Variants in CLEC16A observed in about 807,000 individuals in gnomAD.
The protein encoded by CLEC16A is protein CLEC16A.
CLEC16A carries 51 observed loss-of-function variants against 109.5 expected under a neutral mutation model. The observed-to-expected ratio is 0.47, with a 90% CI of 0.37 to 0.59. The LOEUF is 0.59. CLEC16A is among the 20% of genes least tolerant of loss of function. The pLI is 0.00. For synonymous variants in CLEC16A, 673 were observed against 564.2 expected (o/e 1.19, Z -2.73); for missense variants, 1,339 against 1,394.0 (o/e 0.96, Z 0.63).
chr16:10,949,575 G>A (rs2041616217), intron 1 of CLEC16A, among the ~76,000 whole-genome samples: 1 of 141,862 alleles, frequency 7.0e-6, no homozygotes, highest in Non-Finnish European at 1.5e-5. Context: ...AAGAGGAAGT[G>A]AGGACCCAAG....
chr16:11,175,865 C>G (rs1038853518), intron 23 of CLEC16A, among the ~76,000 whole-genome samples: 3 of 152,246 alleles, frequency 2.0e-5, no homozygotes, highest in African/African-American at 7.2e-5. Context: ...AGTTGGCCAG[C>G]TTCTTTGAAT....
Position 11,037,486 on chromosome 16 carries a change from C to A in CLEC16A, c.1538-2268C>A, listed in dbSNP as rs555881441. ...GAGAGTTGAGAAAAGTCGAGATCAT[C>A]TTGGGACGCTTTTCTTCCTGTCAAG... On this transcript the variant is annotated intron_variant, in intron 13 of 23. Coordinates refer to ENST00000409790, the MANE Select transcript of CLEC16A (RefSeq NM_015226.3). 3.9e-5 allele frequency among the ~76,000 whole-genome samples: 6 copies of A among 152,318 alleles called. No individual in the cohort carries two copies. In the East Asian group the frequency reaches 1.2e-3, roughly 29 times the overall value.
chr16:11,018,277 T>A (rs1378759667), intron 11 of CLEC16A, among the ~76,000 whole-genome samples: 1 of 141,454 alleles, frequency 7.1e-6, no homozygotes, highest in Admixed American at 7.1e-5. Flanking sequence ...AGCAAGACCC[T>A]GTCTCAAAAA....
At chr16:11,091,077 G>C (rs996739506) in intron 19 of CLEC16A, among the ~76,000 whole-genome samples, 1 of 152,120 alleles carries the variant, frequency 6.6e-6, no homozygotes, top group African/African-American at 2.4e-5. Context: ...TGGGATTACA[G>C]GCGTGAGCCA....
chr16:10,972,918 T>G lies in CLEC16A; in HGVS notation c.605-20T>G. 1.3e-6 allele frequency: 2 copies of G among 1,572,164 alleles called. No individual in the cohort carries two copies. Among genetic ancestry groups the G allele is most frequent in the Non-Finnish European group, 1.7e-6 (2 of 1,163,746 alleles). On this transcript the variant is annotated intron_variant, in intron 6 of 23. Transcript: ENST00000409790. ...ATTTTTGGTAGCTTGACTTTTTTTT[T>G]CTTCTGTGAATTTTCTCAGTGGATA...
chr16:10,973,131 G>A, intron 7 of CLEC16A, 70 bp downstream of exon 7: 2 of 1,510,466 alleles, frequency 1.3e-6, no homozygotes, highest in South Asian at 1.3e-5. Flanking sequence ...TTTTCATCAA[G>A]GAAAAATAAA....
At chr16:11,018,583 A>C (rs868828543) in intron 11 of CLEC16A, among the ~76,000 whole-genome samples, 2 of 152,000 alleles carry the variant, frequency 1.3e-5, no homozygotes, top group African/African-American at 4.8e-5. Context: ...CCCTGTCTGT[A>C]ATAAAAATAC....
At chr16:11,008,191 G>A (rs1240353364) in intron 11 of CLEC16A, among the ~76,000 whole-genome samples, 1 of 152,094 alleles carries the variant, frequency 6.6e-6, no homozygotes, top group Non-Finnish European at 1.5e-5. Context: ...TTTCCCCTTA[G>A]CCTTCCTTTG....
At chr16:11,022,902 AATATAT>A (rs3029840) in intron 12 of CLEC16A, among the ~76,000 whole-genome samples, 13 of 143,028 alleles carry the variant, frequency 9.1e-5, no homozygotes, top group Admixed American at 2.1e-4. Flanking sequence ...CCATCTCAAA[AATATAT>A]ATATATATAT....
chr16:11,075,080 G>C (rs1315425675), intron 19 of CLEC16A, among the ~76,000 whole-genome samples: 1 of 152,172 alleles, frequency 6.6e-6, no homozygotes, highest in Non-Finnish European at 1.5e-5. Flanking sequence ...AATCGAGCAA[G>C]ACCCTATCTC....
At chr16:11,046,389 C>G (rs2047635158) in intron 16 of CLEC16A, among the ~76,000 whole-genome samples, 1 of 152,006 alleles carries the variant, frequency 6.6e-6, no homozygotes, top group Admixed American at 6.6e-5. Context: ...TTATGTCACA[C>G]AAGAATATTC....
chr16:11,093,693 C>T (rs963156054), intron 19 of CLEC16A, among the ~76,000 whole-genome samples: 7 of 152,190 alleles, frequency 4.6e-5, no homozygotes, highest in Middle Eastern at 3.4e-3. Context: ...GAGGGCAGGG[C>T]GTGTACAAGA....
At chr16:11,172,699 G>A (rs1291442560) in intron 23 of CLEC16A, among the ~76,000 whole-genome samples, 1 of 152,082 alleles carries the variant, frequency 6.6e-6, no homozygotes, top group Non-Finnish European at 1.5e-5. Flanking sequence ...GACCAGCCTG[G>A]CCAACATGGT....
chr16:11,133,199 T>C lies in CLEC16A; in HGVS notation c.2641+7053T>C, dbSNP rs1200008101. On this transcript the variant is annotated intron_variant, in intron 22 of 23. Transcript: ENST00000409790. ...ACTAAAAGTACAAAAATTATCCCAG[T>C]GTGGTGGCGGGCACCTGTAGTCCCA... is the stretch of plus-strand genomic sequence containing the variant. Among the ~76,000 whole-genome samples the C allele has an allele frequency of 2.6e-5, 4 of 152,148 alleles. No individual in the cohort carries two copies. The East Asian group carries it at 7.7e-4, about 29-fold the overall frequency.
intron 11 of CLEC16A, among the ~76,000 whole-genome samples, chr16:11,011,218 G>A (rs928440371): frequency 1.3e-5 from 2 of 152,144 alleles, no homozygotes. Flanking sequence ...TTCTTGCCTG[G>A]TTCAGTCACT....
chr16:11,042,499 T>C, intron 15 of CLEC16A, 136 bp downstream of exon 15: 1 of 626,912 alleles, frequency 1.6e-6, no homozygotes, highest in African/African-American at 1.8e-5. Context: ...CAGGGGCTGC[T>C]CTCTTGAGAC....
chr16:11,001,872 T>C (rs902957711), intron 10 of CLEC16A, among the ~76,000 whole-genome samples: 1 of 152,196 alleles, frequency 6.6e-6, no homozygotes, highest in African/African-American at 2.4e-5. Flanking sequence ...TTATTGCTGA[T>C]ACTTACTAGG....
At chr16:11,073,746 T>C (rs7204643) in intron 19 of CLEC16A, among the ~76,000 whole-genome samples, 61,169 of 152,088 alleles carry the variant, frequency 0.4, 13,463 homozygotes, top group African/African-American at 0.6. Flanking sequence ...ACATTTCAGA[T>C]GTGCGCTTAC....
chr16:11,099,659 T>G (rs969509856), intron 19 of CLEC16A, among the ~76,000 whole-genome samples: 3 of 152,158 alleles, frequency 2.0e-5, no homozygotes, highest in Non-Finnish European at 4.4e-5. Flanking sequence ...AGTGTGTGGC[T>G]GCATGCTGTC....
Sources: allele counts gnomAD v4.1 joint callset (sites outside exome capture counted in the v4.1 genomes callset), GRCh38; gene constraint gnomAD v4.1.1; transcripts MANE v1.5; gene names NCBI Gene and HGNC (gene_info 2026-07-23, HGNC 2026-07-21).